Variants in KIAA0825 observed in about 807,000 individuals in gnomAD.
KIAA0825 encodes uncharacterized protein KIAA0825.
Under a neutral mutation model 147.6 loss-of-function variants are expected in KIAA0825, and 119 were observed. That is an observed-to-expected ratio of 0.81 (90% confidence interval 0.69 to 0.94). KIAA0825 has a LOEUF of 0.94. Among genes scored for constraint, KIAA0825 ranks in the 40% least tolerant of loss-of-function variants. The probability of loss-of-function intolerance (pLI) is 0.00; values close to 1 mark genes in which losing one functional copy is unlikely to be tolerated. For missense variants in KIAA0825, 1,381 were observed against 1,472.7 expected (o/e 0.94, Z 1.02); for synonymous variants, 470 against 518.1 (o/e 0.91, Z 1.26).
At chr5:94,432,762 G>A (rs945816968) in intron 14 of KIAA0825, among the ~76,000 whole-genome samples, 1 of 152,076 alleles carries the variant, frequency 6.6e-6, no homozygotes, top group African/African-American at 2.4e-5. Context: ...ACATGGCTGG[G>A]TATCTGTAAT....
chr5:94,470,542 T>A (rs1458744737), intron 9 of KIAA0825, among the ~76,000 whole-genome samples: 1 of 152,238 alleles, frequency 6.6e-6, no homozygotes, highest in Non-Finnish European at 1.5e-5. Context: ...TTAAAAATTG[T>A]AATTTTGTAG....
At chr5:94,177,152 C>G (rs1433703801) in intron 20 of KIAA0825, among the ~76,000 whole-genome samples, 1 of 152,064 alleles carries the variant, frequency 6.6e-6, no homozygotes, top group Non-Finnish European at 1.5e-5. Context: ...GTTACAATAT[C>G]ATTTCATTAT....
At chr5:94,228,030 GA>G (rs1331455297) in intron 20 of KIAA0825, among the ~76,000 whole-genome samples, 8 of 151,818 alleles carry the variant, frequency 5.3e-5, no homozygotes, top group Non-Finnish European at 8.8e-5. Flanking sequence ...GAAACTAGAA[GA>G]AAAAAAGGAT....
chr5:94,374,539 G>A (rs1203594936), intron 20 of KIAA0825, among the ~76,000 whole-genome samples: 1 of 152,134 alleles, frequency 6.6e-6, no homozygotes, highest in Non-Finnish European at 1.5e-5. Context: ...TCATTCCTCT[G>A]TATCTATCAT....
chr5:94,497,002 C>G (rs1764451534), intron 5 of KIAA0825, among the ~76,000 whole-genome samples: 2 of 152,146 alleles, frequency 1.3e-5, no homozygotes, highest in South Asian at 4.1e-4. Context: ...AACGTGGCGC[C>G]TTCCCTATTG....
intron 1 of KIAA0825, chr5:94,594,223 G>A: frequency 1.7e-6 from 1 of 596,070 alleles, no homozygotes; most frequent in Non-Finnish European, 3.3e-6. Flanking sequence ...CTAAGTGCAA[G>A]AGTCCAGTTT....
rs531092429 is a variant in KIAA0825, at chr5:94,172,908, A to AT, written c.3711-18785dup. Among the ~76,000 whole-genome samples the AT allele has an allele frequency of 7.9e-5, 12 of 152,250 alleles. No homozygotes were observed. The East Asian group carries it at 2.3e-3, about 29-fold the overall frequency. ...CCTAATTTGTAAGGTTATTGTGAAG[A>AT]TTAAGGTAATTTAGGAAAAGATTTG... On this transcript the variant is annotated intron_variant, in intron 20 of 20. Coordinates refer to ENST00000682413, the MANE Select transcript of KIAA0825 (RefSeq NM_001145678.3).
chr5:94,343,680 C>A (rs1301663897), intron 20 of KIAA0825, among the ~76,000 whole-genome samples: 1 of 152,136 alleles, frequency 6.6e-6, no homozygotes, highest in African/African-American at 2.4e-5. Context: ...CAGAGCAAGA[C>A]TGCATCTCCA....
chr5:94,466,788 T>A lies in KIAA0825; in HGVS notation c.1873-1729A>T, dbSNP rs536712398. ...ATAAAAGAAATTACAAAATTAATGA[T>A]GAAGCAGCAAAATTATAGTTTCTTA... is the stretch of plus-strand genomic sequence containing the variant. On this transcript the variant is annotated intron_variant, in intron 10 of 20. Coordinates refer to ENST00000682413, the MANE Select transcript of KIAA0825 (RefSeq NM_001145678.3). Among the ~76,000 whole-genome samples, 8 of 150,164 alleles carry A rather than the reference T, an allele frequency of 5.3e-5. No homozygotes were observed. In the South Asian group the frequency reaches 1.7e-3, roughly 32 times the overall value.
intron 20 of KIAA0825, among the ~76,000 whole-genome samples, chr5:94,235,504 A>G (rs889173378): frequency 2.0e-5 from 3 of 152,240 alleles, no homozygotes; most frequent in African/African-American, 4.8e-5. Flanking sequence ...TCTATAGCAT[A>G]AAAGTGCAAG....
chr5:94,166,600 C>T (rs528958211), intron 20 of KIAA0825, among the ~76,000 whole-genome samples: 5 of 150,728 alleles, frequency 3.3e-5, no homozygotes, highest in South Asian at 2.1e-4. Flanking sequence ...CTCCGCCTCC[C>T]GGGTTCACGC....
At chr5:94,542,545 G>A (rs185175483) in intron 2 of KIAA0825, among the ~76,000 whole-genome samples, 91 of 152,314 alleles carry the variant, frequency 6.0e-4, no homozygotes, top group Admixed American at 1.5e-3. Context: ...AGTGGCTCAT[G>A]CCCGTAGTCC....
In KIAA0825 at chr5:94,477,198, C is replaced by T; in HGVS notation, c.1140G>A (p.Leu380=). The change falls in exon 7 of 21, where the codon TTG becomes TTA. Residue 380 remains leucine (L), a synonymous_variant. Transcript: ENST00000682413. ...TTACAACCTCTCTATCGGATTTCTC[C>T]AAAATTCCTAAGCAATAGAAAAGAA... The part of the protein sequence containing the change: ...LKITRDTSGI[L]EKSDREVVME... 1 of 1,545,984 alleles carries T rather than the reference C, an allele frequency of 6.5e-7. No homozygotes were observed. Among genetic ancestry groups the T allele is most frequent in the Non-Finnish European group, 8.7e-7 (1 of 1,143,686 alleles).
At chr5:94,303,797 A>G (rs1176410484) in intron 20 of KIAA0825, among the ~76,000 whole-genome samples, 2 of 152,058 alleles carry the variant, frequency 1.3e-5, no homozygotes, top group African/African-American at 4.8e-5. Flanking sequence ...GCTCCCCTGC[A>G]CCACTATTCA....
intron 1 of KIAA0825, among the ~76,000 whole-genome samples, chr5:94,605,135 A>T (rs1787254553): frequency 6.6e-6 from 1 of 152,132 alleles, no homozygotes; most frequent in South Asian, 2.1e-4. Context: ...TATTATAAAC[A>T]CCTCTATGTA....
At chr5:94,592,322 A>C (rs1453085580) in intron 1 of KIAA0825, among the ~76,000 whole-genome samples, 2 of 152,170 alleles carry the variant, frequency 1.3e-5, no homozygotes, top group African/African-American at 2.4e-5. Flanking sequence ...AAAACAAAGG[A>C]GCTACAAGCC....
At chr5:94,251,535 G>A (rs1775963267) in intron 20 of KIAA0825, among the ~76,000 whole-genome samples, 1 of 151,982 alleles carries the variant, frequency 6.6e-6, no homozygotes, top group African/African-American at 2.4e-5. Flanking sequence ...GGAATTAGGA[G>A]GAAAGAAGCA....
rs185295804 is a variant in KIAA0825, at chr5:94,518,644, G to C, written c.970+1604C>G. On this transcript the variant is annotated intron_variant, in intron 5 of 20. Transcript: ENST00000682413. ...TCATGAAATTGGGATAATAGGAATGGGTTGTCATTAGCGCAGTGTTTGGCA... is the reference window on the plus strand; with the variant it reads ...TCATGAAATTGGGATAATAGGAATGCGTTGTCATTAGCGCAGTGTTTGGCA... Among the ~76,000 whole-genome samples the C allele has an allele frequency of 1.6e-4, 24 of 152,134 alleles. No homozygotes were observed. The East Asian group carries it at 4.1e-3, about 26-fold the overall frequency.
chr5:94,355,166 T>A (rs559305929), intron 20 of KIAA0825, among the ~76,000 whole-genome samples: 1 of 152,320 alleles, frequency 6.6e-6, no homozygotes, highest in East Asian at 1.9e-4. Context: ...AAGGTTCTTT[T>A]GATGTCTCAT....
Sources: gnomAD v4.1 joint callset for allele counts (sites outside exome capture counted in the v4.1 genomes callset) on GRCh38, gnomAD v4.1.1 for gene constraint, MANE v1.5 for transcripts, NCBI Gene and HGNC (gene_info 2026-07-23, HGNC 2026-07-21) for gene names.